NUMB: variants seen among roughly 807,000 people sequenced by gnomAD.
The protein encoded by NUMB is protein numb homolog.
A neutral mutation model predicts 59.7 loss-of-function variants in NUMB; 29 were observed. The observed-to-expected ratio is 0.49, with a 90% confidence interval of 0.36 to 0.66. The LOEUF is 0.66. Among genes scored for constraint, NUMB ranks in the 30% least tolerant of loss-of-function variants. The pLI, the probability that NUMB is intolerant of heterozygous loss-of-function variation, is 0.00. For synonymous variants in NUMB, 288 were observed against 288.2 expected (o/e 1.00, Z 0.01); for missense variants, 723 against 822.0 (o/e 0.88, Z 1.47).
At chr14:73,438,198 G>A (rs1384696859) in intron 1 of NUMB, among the ~76,000 whole-genome samples, 3 of 152,126 alleles carry the variant, frequency 2.0e-5, no homozygotes, top group Non-Finnish European at 4.4e-5. Flanking sequence ...TGAGAATACA[G>A]AAATACTGAA....
intron 6 of NUMB, among the ~76,000 whole-genome samples, chr14:73,302,774 G>A (rs1338627364): frequency 2.0e-5 from 3 of 152,000 alleles, no homozygotes. Flanking sequence ...TAAGATTTCT[G>A]AGCACTTTTA....
intron 3 of NUMB, among the ~76,000 whole-genome samples, chr14:73,359,305 C>T (rs1893980392): frequency 6.6e-6 from 1 of 152,112 alleles, no homozygotes; most frequent in Non-Finnish European, 1.5e-5. Flanking sequence ...GAGATTGTGC[C>T]ACTGCACTCC....
At chr14:73,403,904 C>A (rs574537249) in intron 2 of NUMB, among the ~76,000 whole-genome samples, 3 of 151,770 alleles carry the variant, frequency 2.0e-5, no homozygotes, top group East Asian at 1.9e-4. Flanking sequence ...ATCAGCCTGG[C>A]CAATATGCTG....
rs757467050 is a variant in NUMB at position 73,276,533 on chromosome 14, T to C, written c.*45A>G. 6.7e-7 allele frequency: 1 copy of C among 1,495,876 alleles called. No homozygotes were observed. Among genetic ancestry groups the C allele is most frequent in the Non-Finnish European group, 9.2e-7 (1 of 1,087,950 alleles). The allele number at this position is 1,495,876 out of a possible 1,614,324, so 92.7% of individuals were successfully genotyped here. ...TTTTGCTCCTTTGACCGCTACCCCC[T>C]GCTCCCTGTCTGGTATGGACAAGAT... On this transcript the variant is annotated 3_prime_UTR_variant, in exon 13 of 13. Transcript: ENST00000555238.
chr14:73,389,291 AAAC>A (rs1340503373), intron 2 of NUMB, among the ~76,000 whole-genome samples: 73 of 98,084 alleles, frequency 7.4e-4, no homozygotes, highest in Middle Eastern at 9.1e-3. Flanking sequence ...AAAAAAAAAA[AAAC>A]AAAAACAAAA....
chr14:73,303,570 C>T (rs1465031152), intron 6 of NUMB, among the ~76,000 whole-genome samples: 3 of 151,322 alleles, frequency 2.0e-5, no homozygotes, highest in Admixed American at 6.6e-5. Context: ...GGTGACAGAG[C>T]GAGACTCCAT....
intron 4 of NUMB, among the ~76,000 whole-genome samples, chr14:73,328,504 T>C (rs1891784213): frequency 6.6e-6 from 1 of 152,196 alleles, no homozygotes; most frequent in African/African-American, 2.4e-5. Context: ...TATAAGATAC[T>C]CTTTCCCAAA....
chr14:73,344,906 AAT>A (rs767218917), intron 4 of NUMB, among the ~76,000 whole-genome samples: 1 of 152,250 alleles, frequency 6.6e-6, no homozygotes, highest in Non-Finnish European at 1.5e-5. Flanking sequence ...AGCATTAAAA[AAT>A]ATGTTAGTAG....
At chr14:73,445,876 G>T (rs1245960348) in intron 1 of NUMB, among the ~76,000 whole-genome samples, 1 of 152,012 alleles carries the variant, frequency 6.6e-6, no homozygotes, top group African/African-American at 2.4e-5. Flanking sequence ...TGTGGGGGAG[G>T]GGTTCCATCA....
rs118113095 is a variant in NUMB, at chr14:73,443,653, G to C, written c.-233+14840C>G. 6.8e-3 allele frequency among the ~76,000 whole-genome samples: 1,032 copies of C among 151,050 alleles called. 5 individuals are homozygous for C. Among genetic ancestry groups the C allele is most frequent in the South Asian group, 0.03 (141 of 4,702 alleles). On this transcript the variant is annotated intron_variant, in intron 1 of 12. Transcript: ENST00000555238. ...TGAGAGGATTGATCGATTGATGATT[G>C]ATTCATTCATTCATTGAGCTGGAGT... is the stretch of plus-strand genomic sequence containing the variant.
intron 3 of NUMB, among the ~76,000 whole-genome samples, chr14:73,359,878 CG>C (rs921564728): frequency 1.1e-4 from 16 of 151,952 alleles, no homozygotes; most frequent in African/African-American, 3.9e-4. Context: ...CCCTCACCCC[CG>C]ACTCTCCCCT....
chr14:73,445,621 C>T (rs1286842931), intron 1 of NUMB, among the ~76,000 whole-genome samples: 1 of 152,090 alleles, frequency 6.6e-6, no homozygotes, highest in African/African-American at 2.4e-5. Flanking sequence ...AATGCTGGGT[C>T]CTTGCAACAG....
chr14:73,429,564 T>G (rs1308536292), intron 1 of NUMB, among the ~76,000 whole-genome samples: 1 of 152,128 alleles, frequency 6.6e-6, no homozygotes, highest in African/African-American at 2.4e-5. Flanking sequence ...CTTTATCAAT[T>G]TACCAGTTGA....
intron 4 of NUMB, among the ~76,000 whole-genome samples, chr14:73,354,053 AT>A (rs1566757619): frequency 6.6e-6 from 1 of 152,208 alleles, no homozygotes; most frequent in Non-Finnish European, 1.5e-5. Flanking sequence ...AAATTAGTGT[AT>A]TTAAAAAGCC....
Position 73,279,417 on chromosome 14 carries a change from G to A in NUMB, c.1104C>T (p.Gly368=), listed in dbSNP as rs771791869. 1.3e-5 allele frequency: 21 copies of A among 1,583,724 alleles called. No homozygotes were observed. Among genetic ancestry groups the A allele is most frequent in the Non-Finnish European group, 1.7e-5 (20 of 1,165,170 alleles). Residue 368 remains glycine, a synonymous_variant, in exon 12 of 13, where the codon GGC becomes GGT. Transcript: ENST00000555238. The part of the protein sequence containing the change: ...APQSPTFQAN[G]TDSAFHVLAK... ...CAAGCACATGGAAGGCTGAGTCAGT[G>A]CCATTAGCTACAACGGGAGCAGACA...
chr14:73,308,133 A>G (rs1025541464), intron 6 of NUMB, among the ~76,000 whole-genome samples: 4 of 152,176 alleles, frequency 2.6e-5, no homozygotes, highest in Non-Finnish European at 4.4e-5. Context: ...GTAGGATGCT[A>G]CTGCAATGGT....
chr14:73,343,598 T>C (rs1892752904), intron 4 of NUMB, among the ~76,000 whole-genome samples: 1 of 152,158 alleles, frequency 6.6e-6, no homozygotes, highest in Non-Finnish European at 1.5e-5. Flanking sequence ...CAGTGGGAAT[T>C]AGTGGGAAGT....
chr14:73,275,350 G>A lies in NUMB; in HGVS notation c.*1228C>T, dbSNP rs568366657. ...ATGAGCTCTCTTATTGTTATCCGAG[G>A]TCAAGAGGCTGCAACTGTCAAGGGG... On this transcript the variant is annotated 3_prime_UTR_variant, in exon 13 of 13. Transcript: ENST00000555238. 6.6e-6 allele frequency: 1 copy of A among 152,570 alleles called. No homozygotes were observed. The highest frequency in any genetic ancestry group is 2.1e-4 in the South Asian group (1 of 4,798). The allele number at this position is 152,570 out of a possible 1,614,324, so 9.5% of individuals were successfully genotyped here. A position where few individuals can be genotyped will look rare whatever the true frequency, so the allele number is the denominator to read the frequency against.
At chr14:73,331,375 C>T (rs1309702549) in intron 4 of NUMB, among the ~76,000 whole-genome samples, 4 of 152,066 alleles carry the variant, frequency 2.6e-5, no homozygotes, top group Admixed American at 2.6e-4. Context: ...GAAACCCCAT[C>T]TCTCCTAAAA....
Sources: allele counts gnomAD v4.1 joint callset (sites outside exome capture counted in the v4.1 genomes callset), GRCh38; gene constraint gnomAD v4.1.1; transcripts MANE v1.5; gene names NCBI Gene and HGNC (gene_info 2026-07-23, HGNC 2026-07-21).